The following AAK1 variants were observed in gnomAD, a reference collection of about 807,000 sequenced individuals.
AAK1 encodes AP2 associated kinase 1.
A neutral mutation model predicts 116.0 loss-of-function variants in AAK1; 37 were observed. The observed-to-expected ratio is 0.32, with a 90% confidence interval of 0.25 to 0.42. The LOEUF is 0.42. Ranked by LOEUF, AAK1 falls within the 10% of genes least tolerant of loss-of-function variation. The pLI, the probability that AAK1 is intolerant of heterozygous loss-of-function variation, is 1.00. For missense variants in AAK1, 919 were observed against 1,170.6 expected, an observed-to-expected ratio of 0.79 and a Z score of 3.14; for synonymous variants, 458 against 439.9, an observed-to-expected ratio of 1.04 and a Z score of -0.51.
intron 2 of AAK1, among the ~76,000 whole-genome samples, chr2:69,612,396 A>ATGAGG (rs929661381): frequency 1.3e-5 from 2 of 152,222 alleles, no homozygotes; most frequent in African/African-American, 4.8e-5. Flanking sequence ...CGGAAGTAAA[A>ATGAGG]TGAGGTAACA....
chr2:69,476,881 T>C lies in AAK1; in HGVS notation c.2790A>G (p.Gln930=). 1 of 1,612,008 alleles carries C rather than the reference T, an allele frequency of 6.2e-7. No homozygotes were observed. The highest frequency in any genetic ancestry group is 1.1e-5 in the South Asian group (1 of 90,854). ...PIPVLITKNP[Q]GGHSRNSSGS... ...TCTTTTCCCCATCCTTTTTCTTACC[T>C]TGTGGGTTTTTGGTTATCAATACAG... Residue 930 remains glutamine, a splice_region_variant and synonymous_variant, in exon 21 of 22, where the codon CAA becomes CAG. Coordinates refer to ENST00000409085, the MANE Select transcript of AAK1 (RefSeq NM_014911.5).
In AAK1 at chr2:69,519,151, T is replaced by C. The variant is rs1443741676; in HGVS notation, c.1300A>G (p.Lys434Glu). Reference sequence around the variant, plus strand: ...GGAGTGGGAGGAGCCTGTGGCTGCTTGGCCTGAGTTTGCGGCAGAGGCTGG... The same window carrying C: ...GGAGTGGGAGGAGCCTGTGGCTGCTCGGCCTGAGTTTGCGGCAGAGGCTGG... ...PSQPLPQTQA[K>E]QPQAPPTPQQ... The change falls in exon 12 of 22, where the codon AAG becomes GAG. Residue 434 changes from lysine to glutamate, a missense_variant. Lys to Glu is a moderately conservative substitution (Grantham distance 56). Coordinates refer to ENST00000409085, the MANE Select transcript of AAK1 (RefSeq NM_014911.5). 1 of 1,578,244 alleles carries C rather than the reference T, an allele frequency of 6.3e-7. No homozygotes were observed.
chr2:69,629,776 C>T (rs532680935), intron 2 of AAK1, among the ~76,000 whole-genome samples: 2 of 152,160 alleles, frequency 1.3e-5, no homozygotes, highest in South Asian at 4.1e-4. Context: ...TACGAGTACT[C>T]AATTGGATAC....
intron 5 of AAK1, among the ~76,000 whole-genome samples, chr2:69,538,746 G>A (rs1400057877): frequency 6.6e-6 from 1 of 152,162 alleles, no homozygotes; most frequent in Non-Finnish European, 1.5e-5. Context: ...GCCACGCGTG[G>A]TGGCGGGCAC....
chr2:69,519,106 G>C lies in AAK1; in HGVS notation c.1345C>G (p.Gln449Glu), dbSNP rs1669624937. The change falls in exon 12 of 22, where the codon CAG (glutamine) becomes GAG (glutamate). Residue 449 changes from glutamine (Q) to glutamate (E), a missense_variant. Coordinates refer to ENST00000409085, the MANE Select transcript of AAK1 (RefSeq NM_014911.5). ...GCCTGAGCGGGCAGACCCTGGGCCT[G>C]AGTAGAAGGCGTCTGCTGTGGAGTG... Reference protein sequence around the residue: ...PPTPQQTPSTQAQGLPAQAQA... With the variant: ...PPTPQQTPSTEAQGLPAQAQA... 6.4e-7 allele frequency: 1 copy of C among 1,554,298 alleles called. No homozygotes were observed. Among genetic ancestry groups the C allele is most frequent in the Non-Finnish European group, 8.7e-7 (1 of 1,148,278 alleles).
chr2:69,622,360 G>A lies in AAK1; in HGVS notation c.163+20518C>T, dbSNP rs192114774. Among the ~76,000 whole-genome samples the A allele has an allele frequency of 3.9e-3, 518 of 134,322 alleles. 4 individuals carry two copies. Among genetic ancestry groups the A allele is most frequent in the African/African-American group, 0.013 (491 of 36,674 alleles). The allele number at this position is 134,322 out of a possible 152,430, so 88.1% of individuals were successfully genotyped here. ...GCTCCTGCGCAGCCGGAGCCTCCCCGACGAGCGCCACCCCCTGCTCCACAG... is the reference window on the plus strand; with the variant it reads ...GCTCCTGCGCAGCCGGAGCCTCCCCAACGAGCGCCACCCCCTGCTCCACAG... On this transcript the variant is annotated intron_variant, in intron 2 of 21. Coordinates refer to ENST00000409085, the MANE Select transcript of AAK1 (RefSeq NM_014911.5).
chr2:69,467,658 C>T lies in AAK1; in HGVS notation c.*8211G>A. The T allele has an allele frequency of 2.0e-6, 2 of 985,400 alleles. No homozygotes were observed. The highest frequency in any genetic ancestry group is 1.2e-6 in the Non-Finnish European group (1 of 829,924). 61.0% of individuals were successfully genotyped at this position (985,400 alleles called of 1,614,324 possible). On this transcript the variant is annotated 3_prime_UTR_variant, in exon 22 of 22. Transcript: ENST00000409085. ...ACCCAGAACCTCTGTAGAGATGGAACTCAATGATCCCCTTCCCATACTGAC... is the reference window on the plus strand; with the variant it reads ...ACCCAGAACCTCTGTAGAGATGGAATTCAATGATCCCCTTCCCATACTGAC...
At chr2:69,478,327 A>G (rs1674928077) in intron 20 of AAK1, 1 of 152,328 alleles carries the variant, frequency 6.6e-6, no homozygotes, top group Non-Finnish European at 1.5e-5. Flanking sequence ...CTGCAAAGGT[A>G]TCTAGCTCTT....
intron 2 of AAK1, among the ~76,000 whole-genome samples, chr2:69,618,232 G>A (rs141420459): frequency 6.6e-6 from 1 of 151,396 alleles, no homozygotes; most frequent in Non-Finnish European, 1.5e-5. Flanking sequence ...TTAAATATAA[G>A]TAGAGATATA....
intron 18 of AAK1, 54 bp from the exon 19 acceptor site, chr2:69,481,015 G>A: frequency 7.3e-7 from 1 of 1,361,458 alleles, no homozygotes; most frequent in East Asian, 2.5e-5. Context: ...GGAGTCAGAA[G>A]TTTCTTTAGG....
At chr2:69,577,055 T>C (rs1275134555) in intron 2 of AAK1, among the ~76,000 whole-genome samples, 1 of 152,184 alleles carries the variant, frequency 6.6e-6, no homozygotes, top group African/African-American at 2.4e-5. Context: ...CCAAGCACTT[T>C]CACATGCATT....
chr2:69,473,489 A>G lies in AAK1; in HGVS notation c.*2380T>C. 2.0e-5 allele frequency: 20 copies of G among 985,480 alleles called. No individual in the cohort carries two copies. The highest frequency in any genetic ancestry group is 2.4e-5 in the Non-Finnish European group (20 of 829,936). 61.0% of individuals were successfully genotyped at this position (985,480 alleles called of 1,614,324 possible). A position where few individuals can be genotyped will look rare whatever the true frequency, so the allele number is the denominator to read the frequency against. On this transcript the variant is annotated 3_prime_UTR_variant, in exon 22 of 22. Transcript: ENST00000409085. ...GGAGGCCTTACTCTAAATAAGCCCA[A>G]GACAATTTCTTGTCATTATCTCCCT...
At chr2:69,639,842 G>A (rs564911593) in intron 2 of AAK1, among the ~76,000 whole-genome samples, 1 of 152,228 alleles carries the variant, frequency 6.6e-6, no homozygotes, top group African/African-American at 2.4e-5. Context: ...GGGACTCACA[G>A]AGAAGAGAGT....
At chr2:69,572,543 C>T (rs1469839791) in intron 2 of AAK1, among the ~76,000 whole-genome samples, 2 of 149,008 alleles carry the variant, frequency 1.3e-5, no homozygotes, top group African/African-American at 2.5e-5. Flanking sequence ...CCCTTGAACC[C>T]GGGAGGAAGA....
intron 15 of AAK1, among the ~76,000 whole-genome samples, chr2:69,505,950 T>G (rs1446280103): frequency 6.6e-6 from 1 of 152,250 alleles, no homozygotes. Context: ...ACAGTGTGAA[T>G]GTACTTAACA....
chr2:69,589,160 G>C (rs1404361540), intron 2 of AAK1, among the ~76,000 whole-genome samples: 1 of 152,218 alleles, frequency 6.6e-6, no homozygotes, highest in African/African-American at 2.4e-5. Flanking sequence ...CTGGAGAGGA[G>C]TTGCACAGTC....
At chr2:69,621,266 G>A (rs115367502) in intron 2 of AAK1, among the ~76,000 whole-genome samples, 6,846 of 152,088 alleles carry the variant, frequency 0.045, 408 homozygotes, top group East Asian at 0.16. Context: ...ACCTGAGGTC[G>A]GGAGTTCGAG....
intron 5 of AAK1, among the ~76,000 whole-genome samples, chr2:69,541,332 G>A (rs1425569445): frequency 2.7e-5 from 4 of 150,534 alleles, no homozygotes; most frequent in Non-Finnish European, 4.4e-5. Context: ...CCAGGTGCAA[G>A]TGATTCTCAT....
chr2:69,461,535 A>G lies in AAK1; in HGVS notation c.*14334T>C. The G allele has an allele frequency of 3.9e-6, 1 of 257,674 alleles. No homozygotes were observed. The highest frequency in any genetic ancestry group is 7.8e-6 in the Non-Finnish European group (1 of 128,576). 16.0% of individuals were successfully genotyped at this position (257,674 alleles called of 1,614,324 possible). A position where few individuals can be genotyped will look rare whatever the true frequency, so the allele number is the denominator to read the frequency against. ...AAAAAAGTAATTTGCATGTGTTTGC[A>G]TCCGTTTCTGTATTCAAAGAAGGTA... is the stretch of plus-strand genomic sequence containing the variant. On this transcript the variant is annotated 3_prime_UTR_variant, in exon 22 of 22. Coordinates refer to ENST00000409085, the MANE Select transcript of AAK1 (RefSeq NM_014911.5).
Sources: gnomAD v4.1 joint callset for allele counts (sites outside exome capture counted in the v4.1 genomes callset) on GRCh38, gnomAD v4.1.1 for gene constraint, MANE v1.5 for transcripts, NCBI Gene and HGNC (gene_info 2026-07-23, HGNC 2026-07-21) for gene names.